The following RERE variants were observed in gnomAD, a reference collection of about 807,000 sequenced individuals.
RERE encodes arginine-glutamic acid dipeptide repeats, also known as arginine-glutamic acid dipeptide repeats protein.
In RERE, 40 loss-of-function variants were observed where a neutral mutation model predicts 146.1. That is an observed-to-expected ratio of 0.27 (90% CI 0.21 to 0.36). The LOEUF (loss-of-function observed/expected upper bound fraction) is 0.36. RERE is among the 10% of genes least tolerant of loss of function. RERE has a pLI of 1.00. For synonymous variants in RERE, 1,003 were observed against 866.0 expected, an observed-to-expected ratio of 1.16 and a Z score of -2.78; for missense variants, 1,933 against 2,138.7, an observed-to-expected ratio of 0.90 and a Z score of 1.90.
chr1:8,675,726 AATAC>A (rs1240341997), intron 1 of RERE, among the ~76,000 whole-genome samples: 1 of 141,572 alleles, frequency 7.1e-6, no homozygotes, highest in Non-Finnish European at 1.5e-5. Flanking sequence ...TCCGACTCAA[AATAC>A]ATACATATAT....
intron 1 of RERE, among the ~76,000 whole-genome samples, chr1:8,791,681 A>T (rs1365762800): frequency 6.6e-6 from 1 of 152,228 alleles, no homozygotes; most frequent in Non-Finnish European, 1.5e-5. Context: ...TTTCATGATC[A>T]GTGTAAGTAT....
intron 1 of RERE, among the ~76,000 whole-genome samples, chr1:8,716,195 G>T (rs1449633303): frequency 6.6e-6 from 1 of 151,076 alleles, no homozygotes; most frequent in Non-Finnish European, 1.5e-5. Context: ...AGGCATGGTG[G>T]CTCATGCCTA....
intron 1 of RERE, chr1:8,751,073 T>G: frequency 1.9e-6 from 1 of 531,362 alleles, no homozygotes; most frequent in Non-Finnish European, 3.4e-6. Context: ...ATCTTCTCCA[T>G]GAGGCGGAAT....
At chr1:8,449,495 A>G (rs545162195) in intron 11 of RERE, among the ~76,000 whole-genome samples, 2 of 152,184 alleles carry the variant, frequency 1.3e-5, no homozygotes, top group Non-Finnish European at 2.9e-5. Context: ...CTTTCCCCCA[A>G]TCCAAAATGT....
At chr1:8,417,411 T>C (rs919959276) in intron 12 of RERE, among the ~76,000 whole-genome samples, 2 of 152,372 alleles carry the variant, frequency 1.3e-5, no homozygotes, top group East Asian at 3.9e-4. Context: ...TTGATTTTCA[T>C]GTTATTTATT....
intron 7 of RERE, chr1:8,525,677 A>G: frequency 7.1e-7 from 1 of 1,402,626 alleles, no homozygotes; most frequent in Non-Finnish European, 9.5e-7. Flanking sequence ...GAATGATGAA[A>G]TGATTCATAA....
At chr1:8,713,949 C>CT (rs1639716388) in intron 1 of RERE, among the ~76,000 whole-genome samples, 1 of 151,962 alleles carries the variant, frequency 6.6e-6, no homozygotes. Flanking sequence ...ATTATGAAAA[C>CT]TTTAAGCCAA....
intron 12 of RERE, among the ~76,000 whole-genome samples, chr1:8,373,745 T>C (rs955044335): frequency 6.6e-6 from 1 of 152,238 alleles, no homozygotes; most frequent in Admixed American, 6.5e-5. Context: ...CATTCTTTCC[T>C]TTCCCTCCCC....
At chr1:8,604,298 G>A (rs1299622905) in intron 4 of RERE, among the ~76,000 whole-genome samples, 1 of 152,162 alleles carries the variant, frequency 6.6e-6, no homozygotes, top group Admixed American at 6.5e-5. Flanking sequence ...AGGGTATACT[G>A]CAGTTCCCTG....
chr1:8,445,246 TA>T (rs1000926480), intron 11 of RERE, among the ~76,000 whole-genome samples: 39 of 152,326 alleles, frequency 2.6e-4, no homozygotes, highest in African/African-American at 9.4e-4. Flanking sequence ...AGAAACAAAC[TA>T]GGGTCACTGA....
chr1:8,424,438 G>A (rs1273204256), intron 11 of RERE, among the ~76,000 whole-genome samples: 1 of 152,182 alleles, frequency 6.6e-6, no homozygotes, highest in Admixed American at 6.5e-5. Context: ...TTGCGTTTTT[G>A]AATTTCACCC....
At chr1:8,476,127 G>A (rs1053468932) in intron 10 of RERE, among the ~76,000 whole-genome samples, 3 of 152,116 alleles carry the variant, frequency 2.0e-5, no homozygotes, top group Non-Finnish European at 2.9e-5. Flanking sequence ...GGAGGGGGTC[G>A]CAACATTTGC....
At chr1:8,417,669 C>T (rs1481142753) in intron 12 of RERE, among the ~76,000 whole-genome samples, 1 of 152,138 alleles carries the variant, frequency 6.6e-6, no homozygotes, top group African/African-American at 2.4e-5. Flanking sequence ...ACTTCGGTAG[C>T]ACAGCCCTCA....
chr1:8,646,519 G>A (rs764195158), intron 2 of RERE, among the ~76,000 whole-genome samples: 2 of 150,114 alleles, frequency 1.3e-5, no homozygotes, highest in Non-Finnish European at 3.0e-5. Flanking sequence ...ACAACAGAGT[G>A]AGACCCTTCC....
At chr1:8,374,004 A>G (rs1163721281) in intron 12 of RERE, among the ~76,000 whole-genome samples, 1 of 152,216 alleles carries the variant, frequency 6.6e-6, no homozygotes, top group African/African-American at 2.4e-5. Context: ...CTCTGCTGCT[A>G]ATCGTTAAAT....
At chr1:8,366,290 C>T (rs1430988482) in intron 12 of RERE, among the ~76,000 whole-genome samples, 1 of 152,244 alleles carries the variant, frequency 6.6e-6, no homozygotes, top group Non-Finnish European at 1.5e-5. Context: ...TACACATCAT[C>T]CACAATGGAC....
intron 1 of RERE, among the ~76,000 whole-genome samples, chr1:8,770,613 G>C (rs1640930445): frequency 6.6e-6 from 1 of 152,156 alleles, no homozygotes; most frequent in South Asian, 2.1e-4. Context: ...CAGTGACGTA[G>C]AACAACACTG....
chr1:8,553,050 G>A (rs185869227), intron 6 of RERE, among the ~76,000 whole-genome samples: 7 of 149,728 alleles, frequency 4.7e-5, no homozygotes, highest in East Asian at 4.0e-4. Context: ...CCACACACAC[G>A]TGACACACCA....
intron 2 of RERE, among the ~76,000 whole-genome samples, chr1:8,653,710 A>T (rs1404889966): frequency 2.6e-5 from 4 of 151,874 alleles, no homozygotes. Context: ...AAAAAAAAAA[A>T]AAAAAAGGGT....
Sources: allele counts gnomAD v4.1 joint callset (sites outside exome capture counted in the v4.1 genomes callset), GRCh38; gene constraint gnomAD v4.1.1; transcripts MANE v1.5; gene names NCBI Gene and HGNC (gene_info 2026-07-23, HGNC 2026-07-21).